PTPRD: variants seen among roughly 807,000 people sequenced by gnomAD.
PTPRD encodes protein tyrosine phosphatase receptor type D.
A neutral mutation model predicts 214.5 loss-of-function variants in PTPRD; 34 were observed. The ratio of observed to expected loss-of-function variants is 0.16; its 90% CI spans 0.12 to 0.21. The LOEUF (loss-of-function observed/expected upper bound fraction) is 0.21, where lower values mean the gene tolerates loss of function less well. Ranked by LOEUF, PTPRD falls within the 10% of genes least tolerant of loss-of-function variation. PTPRD has a pLI of 1.00. For missense variants in PTPRD, 2,545 were observed against 2,398.7 expected (o/e 1.06, Z -1.27); for synonymous variants, 1,128 against 845.7 (o/e 1.33, Z -5.79).
intron 3 of PTPRD, among the ~76,000 whole-genome samples, chr9:10,185,494 T>C (rs2099326117): frequency 6.6e-6 from 1 of 152,194 alleles, no homozygotes. Flanking sequence ...ACTTCACATA[T>C]ATTAATTAAC....
chr9:8,504,239 G>C (rs1166957374), intron 23 of PTPRD, 22 bp downstream of exon 23: 1 of 1,613,188 alleles, frequency 6.2e-7, no homozygotes, highest in Admixed American at 1.7e-5. Flanking sequence ...AAGGCAGAAA[G>C]TAAGCAAAGA....
intron 35 of PTPRD, among the ~76,000 whole-genome samples, chr9:8,420,847 G>A (rs140146076): frequency 8.6e-5 from 13 of 150,746 alleles, no homozygotes; most frequent in African/African-American, 3.2e-4. Context: ...GACACTGAGA[G>A]CGTAGGAAAA....
At position 8,386,181 on chromosome 9, in the gene PTPRD, G is replaced by A. The variant is rs1197770224; in HGVS notation, c.4386+3051C>T. Among the ~76,000 whole-genome samples the A allele has an allele frequency of 2.6e-5, 4 of 152,270 alleles. No homozygotes were observed. The East Asian group carries it at 5.8e-4, about 22-fold the overall frequency. ...AGAATTTGAGGAGTCAAGTAAACTT[G>A]CTCATTGTCACACAGCTAGTAGAGG... is the stretch of plus-strand genomic sequence containing the variant. On this transcript the variant is annotated intron_variant, in intron 37 of 45. Transcript: ENST00000381196.
intron 43 of PTPRD, among the ~76,000 whole-genome samples, chr9:8,338,389 A>G (rs1222220050): frequency 6.6e-6 from 1 of 152,112 alleles, no homozygotes; most frequent in African/African-American, 2.4e-5. Context: ...TCATGGACAG[A>G]CACATTAGCA....
chr9:9,025,498 G>C (rs940598717), intron 10 of PTPRD, among the ~76,000 whole-genome samples: 3 of 151,954 alleles, frequency 2.0e-5, no homozygotes, highest in Non-Finnish European at 2.9e-5. Context: ...CCTGATAAAA[G>C]ACTAGAAAAC....
chr9:9,390,300 A>T (rs1212482463), intron 9 of PTPRD, among the ~76,000 whole-genome samples: 1 of 152,148 alleles, frequency 6.6e-6, no homozygotes, highest in Non-Finnish European at 1.5e-5. Context: ...AAGATTAAGG[A>T]TCCATTGGAG....
At chr9:9,102,169 T>C (rs1008606173) in intron 10 of PTPRD, among the ~76,000 whole-genome samples, 2 of 152,232 alleles carry the variant, frequency 1.3e-5, no homozygotes, top group Non-Finnish European at 2.9e-5. Context: ...ATATGTTTTA[T>C]AAATATGTAG....
chr9:10,484,633 G>A (rs1361114286), intron 2 of PTPRD, among the ~76,000 whole-genome samples: 4 of 152,042 alleles, frequency 2.6e-5, no homozygotes, highest in African/African-American at 9.7e-5. Flanking sequence ...TTTCTCTGAT[G>A]ATCAATGATT....
At chr9:10,408,649 C>A (rs1198439709) in intron 2 of PTPRD, among the ~76,000 whole-genome samples, 1 of 151,644 alleles carries the variant, frequency 6.6e-6, no homozygotes, top group Non-Finnish European at 1.5e-5. Flanking sequence ...GAGTATAGGT[C>A]CCATGAAGAA....
At chr9:8,659,769 T>A (rs1188588103) in intron 12 of PTPRD, among the ~76,000 whole-genome samples, 1 of 152,200 alleles carries the variant, frequency 6.6e-6, no homozygotes, top group Non-Finnish European at 1.5e-5. Flanking sequence ...ATTCCAAATT[T>A]AAAAATTTTC....
chr9:9,516,958 G>A (rs2096852970), intron 8 of PTPRD, among the ~76,000 whole-genome samples: 1 of 152,060 alleles, frequency 6.6e-6, no homozygotes, highest in Non-Finnish European at 1.5e-5. Flanking sequence ...AAATTTAGGT[G>A]ATGGCCCAAA....
intron 5 of PTPRD, among the ~76,000 whole-genome samples, chr9:9,894,913 GC>G (rs1310039205): frequency 6.6e-6 from 1 of 151,836 alleles, no homozygotes; most frequent in Non-Finnish European, 1.5e-5. Flanking sequence ...GCCAGAAATG[GC>G]TTTTGATTTT....
At chr9:8,345,129 T>C (rs1856357006) in intron 39 of PTPRD, among the ~76,000 whole-genome samples, 1 of 152,010 alleles carries the variant, frequency 6.6e-6, no homozygotes, top group Non-Finnish European at 1.5e-5. Context: ...AAATGTGCCT[T>C]ATACCTGAGG....
rs550147468 is a variant in PTPRD, at chr9:10,167,446, C to G, written c.-544-133656G>C. Among the ~76,000 whole-genome samples the G allele has an allele frequency of 5.3e-5, 8 of 152,212 alleles. No individual in the cohort carries two copies. In the South Asian group the frequency reaches 1.7e-3, roughly 32 times the overall value. ...GATACTTGGATTCAGCATATAAAAA[C>G]CCATATATGTATTACAAAGTACAGG... On this transcript the variant is annotated intron_variant, in intron 3 of 45. Transcript: ENST00000381196.
intron 5 of PTPRD, among the ~76,000 whole-genome samples, chr9:9,890,823 G>A (rs1286834787): frequency 2.0e-5 from 3 of 151,992 alleles, no homozygotes; most frequent in African/African-American, 7.2e-5. Flanking sequence ...CTCCAATGAT[G>A]CCTCTTAAAC....
chr9:9,917,289 C>T (rs1267297424), intron 5 of PTPRD, among the ~76,000 whole-genome samples: 4 of 81,906 alleles, frequency 4.9e-5, no homozygotes, highest in Non-Finnish European at 9.7e-5. Flanking sequence ...ATTGACAAGC[C>T]ATTAGCTAGA....
intron 3 of PTPRD, among the ~76,000 whole-genome samples, chr9:10,139,864 T>C (rs1486185537): frequency 1.3e-5 from 2 of 152,084 alleles, no homozygotes; most frequent in Non-Finnish European, 2.9e-5. Flanking sequence ...TGAATCCCTA[T>C]CTATCACCAT....
At chr9:9,268,352 A>C (rs565743701) in intron 9 of PTPRD, among the ~76,000 whole-genome samples, 1 of 117,582 alleles carries the variant, frequency 8.5e-6, no homozygotes, top group African/African-American at 3.2e-5. Flanking sequence ...CATCGATGAA[A>C]GAAATGGAAA....
intron 9 of PTPRD, among the ~76,000 whole-genome samples, chr9:9,367,326 A>AT (rs2058154733): frequency 6.6e-6 from 1 of 151,698 alleles, no homozygotes; most frequent in Admixed American, 6.6e-5. Context: ...AGATTTTAGT[A>AT]TTTTACAGTA....
Sources: gnomAD v4.1 joint callset for allele counts (sites outside exome capture counted in the v4.1 genomes callset) on GRCh38, gnomAD v4.1.1 for gene constraint, MANE v1.5 for transcripts, NCBI Gene and HGNC (gene_info 2026-07-23, HGNC 2026-07-21) for gene names.